Variants in SNX24 observed in about 807,000 individuals in gnomAD.
The protein encoded by SNX24 is sorting nexin 24.
In SNX24, 22 loss-of-function variants were observed where a neutral mutation model predicts 28.7. That is an observed-to-expected ratio of 0.77 (90% CI 0.55 to 1.10). The LOEUF is 1.10. Ranked by LOEUF, SNX24 falls within the 50% of genes least tolerant of loss-of-function variation. SNX24 has a pLI of 0.00. For missense variants in SNX24, 221 were observed against 201.1 expected, an observed-to-expected ratio of 1.10 and a Z score of -0.60; for synonymous variants, 69 against 71.5, an observed-to-expected ratio of 0.96 and a Z score of 0.18.
At position 123,027,017 on chromosome 5, in the gene SNX24, A is replaced by C. The variant is rs1401331419; in HGVS notation, n.384-2221A>C. Among the ~76,000 whole-genome samples the C allele has an allele frequency of 2.6e-5, 4 of 151,946 alleles. No individual in the cohort carries two copies. In the South Asian group the frequency reaches 6.3e-4, roughly 24 times the overall value. On this transcript the variant is annotated intron_variant and non_coding_transcript_variant, in intron 5 of 5. Coordinates refer to the SNX24 transcript ENST00000502387. ...AGACCATCCTGGCTAACACGGTGAA[A>C]CCCTATCTCTACTAAAAATACAAAA...
intron 3 of SNX24, among the ~76,000 whole-genome samples, chr5:122,955,847 ACCAC>A (rs1244708432): frequency 1.3e-5 from 2 of 152,124 alleles, no homozygotes; most frequent in Non-Finnish European, 2.9e-5. Flanking sequence ...TGTCTCTGTT[ACCAC>A]CCTCTCATCG....
At chr5:122,982,159 GA>G (rs1487039016) in intron 3 of SNX24, among the ~76,000 whole-genome samples, 1 of 152,162 alleles carries the variant, frequency 6.6e-6, no homozygotes, top group Non-Finnish European at 1.5e-5. Context: ...ATGCTAGGGG[GA>G]AAAGGAAGGA....
chr5:122,888,171 T>G lies in SNX24; in HGVS notation c.60+42478T>G, dbSNP rs376362828. 2.0e-5 allele frequency among the ~76,000 whole-genome samples: 3 copies of G among 152,318 alleles called. No individual in the cohort carries two copies. In the East Asian group the frequency reaches 5.8e-4, roughly 29 times the overall value. On this transcript the variant is annotated intron_variant, in intron 1 of 6. Transcript: ENST00000261369. ...CATTTTTCAGTTCTATTATTTGCAT[T>G]TTTTTGATTATTTGTTGACTGTTCT...
Position 123,007,839 on chromosome 5 carries a change from T to A in SNX24, c.*90T>A. ...TACCAATTTAACCTAAACGCTATGA[T>A]ATATAACAGCTCTAGCTAGTGGTAA... On this transcript the variant is annotated 3_prime_UTR_variant, in exon 7 of 7. Transcript: ENST00000261369. The A allele has an allele frequency of 3.2e-6, 5 of 1,548,200 alleles. No homozygotes were observed. The highest frequency in any genetic ancestry group is 4.3e-6 in the Non-Finnish European group (5 of 1,153,844).
intron 1 of SNX24, among the ~76,000 whole-genome samples, chr5:122,857,570 C>T (rs906653191): frequency 1.3e-5 from 2 of 151,992 alleles, no homozygotes; most frequent in African/African-American, 2.4e-5. Flanking sequence ...TGTCCTTCAC[C>T]CTCCAGTAGG....
intron 3 of SNX24, among the ~76,000 whole-genome samples, chr5:122,976,144 C>T (rs1761151873): frequency 6.6e-6 from 1 of 151,908 alleles, no homozygotes; most frequent in Admixed American, 6.6e-5. Context: ...GAAAGATGTC[C>T]AACACCTATG....
chr5:122,998,650 G>C (rs1329959810), intron 3 of SNX24, among the ~76,000 whole-genome samples: 1 of 152,156 alleles, frequency 6.6e-6, no homozygotes, highest in African/African-American at 2.4e-5. Flanking sequence ...GGGACAGAGG[G>C]CAGCCTAGGA....
chr5:123,002,631 C>CA (rs1487550689), intron 6 of SNX24, among the ~76,000 whole-genome samples: 12 of 151,764 alleles, frequency 7.9e-5, no homozygotes, highest in East Asian at 1.9e-4. Flanking sequence ...GACTCCGTCT[C>CA]AAAAAAAAGC....
At chr5:122,970,936 A>T (rs1181468902) in intron 3 of SNX24, among the ~76,000 whole-genome samples, 1 of 152,162 alleles carries the variant, frequency 6.6e-6, no homozygotes, top group Non-Finnish European at 1.5e-5. Context: ...AGGGTTCTCT[A>T]GAGGGACAGA....
chr5:122,941,398 A>T (rs1439285138), intron 2 of SNX24, among the ~76,000 whole-genome samples: 1 of 152,126 alleles, frequency 6.6e-6, no homozygotes, highest in Non-Finnish European at 1.5e-5. Flanking sequence ...TTACCTCATT[A>T]TATGAGGTAA....
chr5:122,857,334 G>A (rs1434091167), intron 1 of SNX24, among the ~76,000 whole-genome samples: 2 of 151,952 alleles, frequency 1.3e-5, no homozygotes, highest in African/African-American at 4.8e-5. Flanking sequence ...TGTGTACGGT[G>A]TAAGGAAGAG....
At chr5:122,962,447 C>T (rs1760523299) in intron 3 of SNX24, among the ~76,000 whole-genome samples, 1 of 152,154 alleles carries the variant, frequency 6.6e-6, no homozygotes, top group East Asian at 1.9e-4. Flanking sequence ...ATTTTTAGTG[C>T]AGAGCAGTGT....
intron 1 of SNX24, among the ~76,000 whole-genome samples, chr5:122,936,100 C>T (rs1393575409): frequency 1.3e-5 from 2 of 152,158 alleles, no homozygotes. Flanking sequence ...AATTAGTGCA[C>T]CCAGAGAACC....
chr5:122,954,737 A>G (rs1760130909), intron 3 of SNX24, among the ~76,000 whole-genome samples: 1 of 147,606 alleles, frequency 6.8e-6, no homozygotes, highest in African/African-American at 2.5e-5. Context: ...TTAAAAAAAA[A>G]TCAGTCATAT....
Position 122,985,154 on chromosome 5 carries a change from T to C in SNX24, c.250-14758T>C, listed in dbSNP as rs77193576. 8.3e-3 allele frequency among the ~76,000 whole-genome samples: 1,266 copies of C among 152,330 alleles called. 18 individuals carry two copies. The highest frequency in any genetic ancestry group is 0.029 in the African/African-American group (1,200 of 41,566). ...GGTAACTTATAACCATATCATCTCA[T>C]GTCATGACCGTGTTTATTTATTTCC... On this transcript the variant is annotated intron_variant, in intron 3 of 6. Transcript: ENST00000261369.
At chr5:122,941,367 C>G (rs1473101448) in intron 2 of SNX24, among the ~76,000 whole-genome samples, 2 of 152,154 alleles carry the variant, frequency 1.3e-5, no homozygotes, top group East Asian at 3.9e-4. Context: ...TCTTCAGTGA[C>G]AGCTGAGCCA....
downstream of SNX24, among the ~76,000 whole-genome samples, chr5:123,010,761 A>G (rs528352199): frequency 6.6e-6 from 1 of 152,300 alleles, no homozygotes; most frequent in African/African-American, 2.4e-5. Flanking sequence ...TATTTCATCT[A>G]CATACAAGCA....
chr5:122,861,889 C>T (rs1293418100), intron 1 of SNX24, among the ~76,000 whole-genome samples: 1 of 152,118 alleles, frequency 6.6e-6, no homozygotes, highest in Non-Finnish European at 1.5e-5. Context: ...ACACCCTCAC[C>T]CTTTTCTCTA....
At chr5:123,014,337 T>TC (rs1454875366) in intron 5 of SNX24, among the ~76,000 whole-genome samples, 4 of 118,994 alleles carry the variant, frequency 3.4e-5, no homozygotes, top group Non-Finnish European at 6.8e-5. Flanking sequence ...CAGCTGATTT[T>TC]TTTTTTTTTT....
Sources: gnomAD v4.1 joint callset for allele counts (sites outside exome capture counted in the v4.1 genomes callset) on GRCh38, gnomAD v4.1.1 for gene constraint, MANE v1.5 for transcripts, NCBI Gene and HGNC (gene_info 2026-07-23, HGNC 2026-07-21) for gene names.